Variants in KCNQ1 observed in about 807,000 individuals in gnomAD.
KCNQ1 encodes the protein potassium voltage-gated channel subfamily KQT member 1.
A neutral mutation model predicts 72.4 loss-of-function variants in KCNQ1; 49 were observed. That is an observed-to-expected ratio of 0.68 (90% CI 0.54 to 0.86). The LOEUF (loss-of-function observed/expected upper bound fraction) is 0.86, where lower values mean the gene tolerates loss of function less well. Ranked by LOEUF, KCNQ1 falls within the 40% of genes least tolerant of loss-of-function variation. The pLI, the probability that KCNQ1 is intolerant of heterozygous loss-of-function variation, is 0.00. For synonymous variants in KCNQ1, 450 were observed against 412.6 expected, an observed-to-expected ratio of 1.09 and a Z score of -1.10; for missense variants, 790 against 945.1, an observed-to-expected ratio of 0.84 and a Z score of 2.15.
chr11:2,697,906 A>T, intron 11 of KCNQ1: 1 of 398,656 alleles, frequency 2.5e-6, no homozygotes, highest in Middle Eastern at 6.3e-4. Context: ...TAAATCCTGA[A>T]ACAGACCCAC....
rs571404778 is a variant in KCNQ1 at position 2,533,026 on chromosome 11, G to GCCCAAACCACAGCCTTGGGGAA, written c.477+5013_477+5034dup. On this transcript the variant is annotated intron_variant, in intron 2 of 15. Transcript: ENST00000155840. ...CGCCAAGGAGTGCTGAGCGCGGGGA[G>GCCCAAACCACAGCCTTGGGGAA]CCCAAACCACAGCCTTGGGGAACCC... 8.5e-4 allele frequency among the ~76,000 whole-genome samples: 130 copies of GCCCAAACCACAGCCTTGGGGAA among 152,326 alleles called. 2 individuals are homozygous for GCCCAAACCACAGCCTTGGGGAA. In the East Asian group the frequency reaches 0.013, roughly 16 times the overall value.
chr11:2,587,419 C>A (rs1848606887), intron 8 of KCNQ1, 151 bp from the exon 9 acceptor site: 8 of 1,127,128 alleles, frequency 7.1e-6, no homozygotes, highest in Middle Eastern at 2.8e-4. Context: ...GAGCTGGGAC[C>A]ATGTCAAGCC....
At chr11:2,460,637 C>T (rs981294631) in intron 1 of KCNQ1, among the ~76,000 whole-genome samples, 1 of 152,216 alleles carries the variant, frequency 6.6e-6, no homozygotes, top group African/African-American at 2.4e-5. Context: ...CGCAAATTTG[C>T]ATGGGCCCCT....
chr11:2,476,245 C>A (rs187152022), intron 1 of KCNQ1, among the ~76,000 whole-genome samples: 17 of 152,130 alleles, frequency 1.1e-4, no homozygotes, highest in African/African-American at 3.6e-4. Context: ...AAATTAAGAA[C>A]CTATGCTGGA....
At chr11:2,512,143 G>A (rs1453918407) in intron 1 of KCNQ1, among the ~76,000 whole-genome samples, 3 of 152,164 alleles carry the variant, frequency 2.0e-5, no homozygotes, top group Non-Finnish European at 2.9e-5. Context: ...ACACTCAGTC[G>A]AACAAGATTT....
chr11:2,661,461 T>G lies in KCNQ1; in HGVS notation c.1394-500T>G. The G allele has an allele frequency of 2.3e-6, 1 of 434,900 alleles. No individual in the cohort carries two copies. Among genetic ancestry groups the G allele is most frequent in the Non-Finnish European group, 4.0e-6 (1 of 247,396 alleles). The allele number at this position is 434,900 out of a possible 1,614,324, so 26.9% of individuals were successfully genotyped here. ...GTAGCATCGTGTTTTGAGGAAGGAG[T>G]TCTGTGGCTGCCCCCACCTCCCAGG... is the stretch of plus-strand genomic sequence containing the variant. On this transcript the variant is annotated intron_variant, in intron 10 of 15. Coordinates refer to ENST00000155840, the MANE Select transcript of KCNQ1 (RefSeq NM_000218.3). This position sits in a 1 kb window ranked among gnomAD's most constrained non-coding sequence, Gnocchi z 5.9.
At chr11:2,558,655 G>A (rs560679333) in intron 2 of KCNQ1, among the ~76,000 whole-genome samples, 16 of 152,350 alleles carry the variant, frequency 1.1e-4, no homozygotes, top group South Asian at 4.1e-4. Context: ...GCCGGCTTGC[G>A]CAGCGAGCTG....
intron 10 of KCNQ1, chr11:2,644,479 G>GT: frequency 5.0e-6 from 2 of 398,106 alleles, no homozygotes; most frequent in African/African-American, 2.1e-5. Context: ...ACCCCGAATT[G>GT]TTTTTTCTGA....
chr11:2,841,291 GGA>G (rs912988895), intron 15 of KCNQ1, among the ~76,000 whole-genome samples: 3 of 152,162 alleles, frequency 2.0e-5, no homozygotes, highest in Non-Finnish European at 4.4e-5. Context: ...CACTGCAAAA[GGA>G]GACTGGATTT....
Position 2,818,660 on chromosome 11 carries a change from T to C in KCNQ1, c.1795-29107T>C, listed in dbSNP as rs951499189. On this transcript the variant is annotated intron_variant, in intron 15 of 15. Coordinates refer to ENST00000155840, the MANE Select transcript of KCNQ1 (RefSeq NM_000218.3). The surrounding 1 kb of genome is among the most constrained non-coding windows in gnomAD (Gnocchi z 7.2). Reference sequence around the variant, plus strand: ...TGTTCCCTACCAGCCCAGCTGCTGGTCCCTAACCGGGCCCACCTGTTGGGT... The same window carrying C: ...TGTTCCCTACCAGCCCAGCTGCTGGCCCCTAACCGGGCCCACCTGTTGGGT... 1.3e-5 allele frequency among the ~76,000 whole-genome samples: 2 copies of C among 152,034 alleles called. No individual in the cohort carries two copies. The highest frequency in any genetic ancestry group is 2.4e-5 in the African/African-American group (1 of 41,394).
chr11:2,623,704 C>T lies in KCNQ1; in HGVS notation c.1393+34850C>T, dbSNP rs961380039. 5.0e-6 allele frequency: 2 copies of T among 398,432 alleles called. No homozygotes were observed. Among genetic ancestry groups the T allele is most frequent in the Non-Finnish European group, 4.4e-6 (1 of 226,042 alleles). The allele number at this position is 398,432 out of a possible 1,614,324, so 24.7% of individuals were successfully genotyped here. A position where few individuals can be genotyped will look rare whatever the true frequency, so the allele number is the denominator to read the frequency against. On this transcript the variant is annotated intron_variant, in intron 10 of 15. Coordinates refer to ENST00000155840, the MANE Select transcript of KCNQ1 (RefSeq NM_000218.3). This position sits in a 1 kb window ranked among gnomAD's most constrained non-coding sequence, Gnocchi z 5.2. ...ACATCTCGGTTGCTTCCAATTTCAA[C>T]AATCACAAATAAAGCTTCTGTAAAC...
intron 10 of KCNQ1, chr11:2,636,284 C>T (rs1849463374): frequency 6.6e-6 from 1 of 152,190 alleles, no homozygotes; most frequent in Non-Finnish European, 1.5e-5. Flanking sequence ...GGAATGCTTC[C>T]AGTTTTTGCT....
chr11:2,679,466 A>G lies in KCNQ1; in HGVS notation c.1514+17385A>G. 2.5e-6 allele frequency: 1 copy of G among 398,674 alleles called. No individual in the cohort carries two copies. The highest frequency in any genetic ancestry group is 4.4e-6 in the Non-Finnish European group (1 of 226,070). 24.7% of individuals were successfully genotyped at this position (398,674 alleles called of 1,614,324 possible). A position where few individuals can be genotyped will look rare whatever the true frequency, so the allele number is the denominator to read the frequency against. ...ATTACACAAATTAATAATATAAAGT[A>G]TGCAGAAAAGTGCCTGTCCTATAGT... On this transcript the variant is annotated intron_variant, in intron 11 of 15. Transcript: ENST00000155840. This position sits in a 1 kb window ranked among gnomAD's most constrained non-coding sequence, Gnocchi z 4.8.
chr11:2,652,446 T>C lies in KCNQ1; in HGVS notation c.1394-9515T>C. 1 of 398,652 alleles carries C rather than the reference T, an allele frequency of 2.5e-6. No individual in the cohort carries two copies. The highest frequency in any genetic ancestry group is 4.4e-6 in the Non-Finnish European group (1 of 226,060). The allele number at this position is 398,652 out of a possible 1,614,324, so 24.7% of individuals were successfully genotyped here. A position where few individuals can be genotyped will look rare whatever the true frequency, so the allele number is the denominator to read the frequency against. On this transcript the variant is annotated intron_variant, in intron 10 of 15. Transcript: ENST00000155840. This position sits in a 1 kb window ranked among gnomAD's most constrained non-coding sequence, Gnocchi z 5.9. The stretch of plus-strand genomic sequence containing the variant: ...TTGAAAATCAAGGCCACTTTTTTGT[T>C]TTCTCCATCCAAAGACCTCCAGAAA...
chr11:2,681,375 T>C (rs144341189), intron 11 of KCNQ1: 124 of 398,502 alleles, frequency 3.1e-4, no homozygotes, highest in Non-Finnish European at 5.0e-4. Context: ...ATGTGGAGGA[T>C]GGCTCTTGGG....
intron 10 of KCNQ1, chr11:2,646,268 A>G (rs545432827): frequency 7.5e-6 from 3 of 398,444 alleles, no homozygotes; most frequent in Non-Finnish European, 1.3e-5. Context: ...CTGGATAGGG[A>G]TTTCATAGCA....
intron 11 of KCNQ1, chr11:2,693,968 GAGA>G (rs773795896): frequency 5.0e-6 from 2 of 398,564 alleles, no homozygotes; most frequent in Non-Finnish European, 8.8e-6. Context: ...GCACTAACTG[GAGA>G]AGGTGAGCAG....
At position 2,663,045 on chromosome 11, in the gene KCNQ1, G is replaced by A. The variant is rs1564849724; in HGVS notation, c.1514+964G>A. ...ACCCATGGTGCTGGGGGCTGCAGGT[G>A]TAACCAGAGAACTGGCAGGGTTGGG... is the stretch of plus-strand genomic sequence containing the variant. On this transcript the variant is annotated intron_variant, in intron 11 of 15. Coordinates refer to ENST00000155840, the MANE Select transcript of KCNQ1 (RefSeq NM_000218.3). The surrounding 1 kb of genome is among the most constrained non-coding windows in gnomAD (Gnocchi z 5.2). 2.5e-6 allele frequency: 1 copy of A among 398,810 alleles called. No homozygotes were observed. The highest frequency in any genetic ancestry group is 4.4e-6 in the Non-Finnish European group (1 of 226,190). 24.7% of individuals were successfully genotyped at this position (398,810 alleles called of 1,614,324 possible).
At position 2,782,052 on chromosome 11, in the gene KCNQ1, C is replaced by G. The variant is rs975183568; in HGVS notation, c.1794+4015C>G. Among the ~76,000 whole-genome samples the G allele has an allele frequency of 6.6e-6, 1 of 152,144 alleles. No individual in the cohort carries two copies. The highest frequency in any genetic ancestry group is 1.5e-5 in the Non-Finnish European group (1 of 68,028). On this transcript the variant is annotated intron_variant, in intron 15 of 15. Coordinates refer to ENST00000155840, the MANE Select transcript of KCNQ1 (RefSeq NM_000218.3). This position sits in a 1 kb window ranked among gnomAD's most constrained non-coding sequence, Gnocchi z 6.1. Reference sequence around the variant, plus strand: ...CCTCCCAGAATTGGGTGTTTGCCCCCAGACACTGCTACCCTTTCCCTCATT... The same window carrying G: ...CCTCCCAGAATTGGGTGTTTGCCCCGAGACACTGCTACCCTTTCCCTCATT...
Sources: allele counts gnomAD v4.1 joint callset (sites outside exome capture counted in the v4.1 genomes callset), GRCh38; gene constraint gnomAD v4.1.1; non-coding constraint Gnocchi (gnomAD v3.1); transcripts MANE v1.5; gene names NCBI Gene and HGNC (gene_info 2026-07-23, HGNC 2026-07-21).